JAZF1: variants seen among roughly 807,000 people sequenced by gnomAD.
JAZF1 encodes JAZF zinc finger 1.
In JAZF1, 8 loss-of-function variants were observed where a neutral mutation model predicts 26.4. The observed-to-expected ratio is 0.30, with a 90% CI of 0.18 to 0.55. JAZF1 has a LOEUF of 0.55. Ranked by LOEUF, JAZF1 falls within the 20% of genes least tolerant of loss-of-function variation. The pLI is 0.94. For synonymous variants in JAZF1, 126 were observed against 122.3 expected (o/e 1.03, Z -0.20); for missense variants, 199 against 322.0 (o/e 0.62, Z 2.92).
rs543911609 is a variant in JAZF1 at position 27,848,695 on chromosome 7, C to T, written c.386-7828G>A. ...TGAGGCCCTATTATTTTTTAATGAA[C>T]AAATGGGCAGATTGTAGGAATGTGT... On this transcript the variant is annotated intron_variant, in intron 3 of 4. Coordinates refer to ENST00000283928, the MANE Select transcript of JAZF1 (RefSeq NM_175061.4). Among the ~76,000 whole-genome samples the T allele has an allele frequency of 2.6e-5, 4 of 152,234 alleles. No homozygotes were observed. In the South Asian group the frequency reaches 8.3e-4, roughly 32 times the overall value.
At chr7:27,839,597 T>C (rs1782883616) in intron 4 of JAZF1, among the ~76,000 whole-genome samples, 1 of 152,192 alleles carries the variant, frequency 6.6e-6, no homozygotes, top group South Asian at 2.1e-4. Flanking sequence ...CCTCAGAGGC[T>C]TCTCACATCT....
At chr7:27,908,268 G>A (rs1391689699) in intron 2 of JAZF1, among the ~76,000 whole-genome samples, 1 of 152,058 alleles carries the variant, frequency 6.6e-6, no homozygotes, top group Non-Finnish European at 1.5e-5. Context: ...AATTAGCATT[G>A]TTGAAAGATA....
intron 1 of JAZF1, among the ~76,000 whole-genome samples, chr7:28,148,365 C>G (rs1377471547): frequency 1.3e-5 from 2 of 152,204 alleles, no homozygotes; most frequent in Non-Finnish European, 2.9e-5. Context: ...GCCACCGCGC[C>G]TGGCCCACGT....
At chr7:28,137,716 G>T in intron 1 of JAZF1, among the ~76,000 whole-genome samples, 1 of 152,154 alleles carries the variant, frequency 6.6e-6, no homozygotes. Context: ...AATGGTGTCT[G>T]CCGTGCAGCC....
intron 3 of JAZF1, among the ~76,000 whole-genome samples, chr7:27,884,646 T>C (rs1182299482): frequency 6.6e-6 from 1 of 152,236 alleles, no homozygotes; most frequent in Non-Finnish European, 1.5e-5. Flanking sequence ...TTGCTCAGCA[T>C]AATGTTTTTG....
At chr7:27,893,355 T>C (rs1330894929) in intron 3 of JAZF1, among the ~76,000 whole-genome samples, 4 of 152,196 alleles carry the variant, frequency 2.6e-5, no homozygotes, top group Non-Finnish European at 5.9e-5. Flanking sequence ...GCTAAGGAGA[T>C]GATGGTGTGG....
intron 1 of JAZF1, among the ~76,000 whole-genome samples, chr7:28,002,024 A>C (rs6955581): frequency 0.014 from 2,139 of 152,320 alleles, 41 homozygotes; most frequent in African/African-American, 0.049. Flanking sequence ...CTGGAACTCA[A>C]AGGGGAGATA....
chr7:28,174,821 G>GGGGT (rs758961535), intron 1 of JAZF1, among the ~76,000 whole-genome samples: 1,590 of 107,770 alleles, frequency 0.015, 476 homozygotes, highest in Non-Finnish European at 0.03. Flanking sequence ...GGGGTGTGTG[G>GGGGT]GTGTGTGTGT....
intron 1 of JAZF1, among the ~76,000 whole-genome samples, chr7:28,085,923 A>C (rs1339899330): frequency 6.6e-6 from 1 of 152,236 alleles, no homozygotes; most frequent in East Asian, 1.9e-4. Context: ...CACATCTGCA[A>C]AGTACTAGAG....
chr7:28,103,819 C>T (rs1192039208), intron 1 of JAZF1, among the ~76,000 whole-genome samples: 1 of 152,178 alleles, frequency 6.6e-6, no homozygotes, highest in Non-Finnish European at 1.5e-5. Flanking sequence ...TCCCTGCTTC[C>T]ACCCTTGTCC....
rs1783911992 is a variant in JAZF1 at position 27,888,591 on chromosome 7, A to C, written c.385+6629T>G. On this transcript the variant is annotated intron_variant, in intron 3 of 4. Coordinates refer to ENST00000283928, the MANE Select transcript of JAZF1 (RefSeq NM_175061.4). ...GTCCACCCCAAGGGAAAAATACTAT[A>C]TTATTTAAAATAATTTGCTGTGTAT... is the stretch of plus-strand genomic sequence containing the variant. Among the ~76,000 whole-genome samples the C allele has an allele frequency of 3.9e-5, 6 of 152,208 alleles. No homozygotes were observed. The South Asian group carries it at 1.2e-3, about 31-fold the overall frequency.
chr7:28,068,886 A>G (rs948716027), intron 1 of JAZF1, among the ~76,000 whole-genome samples: 3 of 152,240 alleles, frequency 2.0e-5, no homozygotes, highest in African/African-American at 7.2e-5. Context: ...GGTTTAGGCC[A>G]CTGACTGAAA....
chr7:27,864,897 T>G (rs1783448866), intron 3 of JAZF1, among the ~76,000 whole-genome samples: 1 of 152,144 alleles, frequency 6.6e-6, no homozygotes, highest in African/African-American at 2.4e-5. Context: ...TTGGGGAAAT[T>G]TACTATAAAG....
chr7:28,111,468 A>C (rs1459281984), intron 1 of JAZF1, among the ~76,000 whole-genome samples: 2 of 152,216 alleles, frequency 1.3e-5, no homozygotes, highest in Non-Finnish European at 2.9e-5. Context: ...ATTTTCCTTC[A>C]GTTTTATGGT....
chr7:28,083,320 G>A (rs1222063015), intron 1 of JAZF1, among the ~76,000 whole-genome samples: 1 of 152,106 alleles, frequency 6.6e-6, no homozygotes, highest in Non-Finnish European at 1.5e-5. Flanking sequence ...ATCTGCACAA[G>A]GCCTACCACA....
intron 1 of JAZF1, among the ~76,000 whole-genome samples, chr7:28,023,277 C>T (rs892886056): frequency 1.3e-4 from 20 of 152,108 alleles, no homozygotes; most frequent in Admixed American, 2.6e-4. Flanking sequence ...TCCAATATAC[C>T]GAAGGACAGA....
chr7:27,901,926 C>T (rs1411305518), intron 2 of JAZF1, among the ~76,000 whole-genome samples: 1 of 152,138 alleles, frequency 6.6e-6, no homozygotes, highest in African/African-American at 2.4e-5. Context: ...GACTTCAACC[C>T]ATTATAAGAA....
intron 1 of JAZF1, among the ~76,000 whole-genome samples, chr7:28,155,966 T>A (rs931308841): frequency 1.3e-5 from 2 of 152,208 alleles, no homozygotes; most frequent in Non-Finnish European, 1.5e-5. Context: ...TGAGGTTACA[T>A]AAGCTAATGT....
chr7:28,180,722 A>G lies in JAZF1; in HGVS notation c.-145T>C. ...GAGGGGAGCGGCGAGGACGGGACGG[A>G]GGGAGAGGGGGCGAGAGAGATGGAA... On this transcript the variant is annotated 5_prime_UTR_variant, in exon 1 of 5. Transcript: ENST00000283928. 1 of 507,328 alleles carries G rather than the reference A, an allele frequency of 2.0e-6. No homozygotes were observed. Among genetic ancestry groups the G allele is most frequent in the Non-Finnish European group, 3.6e-6 (1 of 279,958 alleles). The allele number at this position is 507,328 out of a possible 1,614,324, so 31.4% of individuals were successfully genotyped here. A position where few individuals can be genotyped will look rare whatever the true frequency, so the allele number is the denominator to read the frequency against.
Sources: allele counts gnomAD v4.1 joint callset (sites outside exome capture counted in the v4.1 genomes callset), GRCh38; gene constraint gnomAD v4.1.1; transcripts MANE v1.5; gene names NCBI Gene and HGNC (gene_info 2026-07-23, HGNC 2026-07-21).